Variants in SIDT1 observed in about 807,000 individuals in gnomAD.
SIDT1 encodes the protein SID1 transmembrane family, member 1.
SIDT1 carries 101 observed loss-of-function variants against 107.5 expected under a neutral mutation model. The ratio of observed to expected loss-of-function variants is 0.94; its 90% CI spans 0.80 to 1.11. The LOEUF is 1.11. Ranked by LOEUF, SIDT1 falls within the 50% of genes least tolerant of loss-of-function variation. SIDT1 has a pLI of 0.00. For missense variants in SIDT1, 1,076 were observed against 1,058.2 expected, an observed-to-expected ratio of 1.02 and a Z score of -0.23; for synonymous variants, 395 against 398.2, an observed-to-expected ratio of 0.99 and a Z score of 0.10.
At chr3:113,616,481 G>A (rs546955866) in intron 20 of SIDT1, among the ~76,000 whole-genome samples, 1 of 152,210 alleles carries the variant, frequency 6.6e-6, no homozygotes, top group East Asian at 1.9e-4. Flanking sequence ...CACACACTGG[G>A]GCCTGTTAGA....
chr3:113,596,917 C>G (rs1385864579), intron 10 of SIDT1, among the ~76,000 whole-genome samples: 1 of 152,164 alleles, frequency 6.6e-6, no homozygotes, highest in Non-Finnish European at 1.5e-5. Flanking sequence ...TGGATACAGC[C>G]ATTACTGAAC....
intron 23 of SIDT1, 188 bp from the exon 24 acceptor site, chr3:113,625,914 A>AT: frequency 1.8e-6 from 1 of 557,788 alleles, no homozygotes. Flanking sequence ...TCGCTTCTCT[A>AT]TTTTTGCTTT....
chr3:113,566,323 T>C lies in SIDT1; in HGVS notation c.223-97T>C. ...AGCCTCACATGGCAACTATGGTGTG[T>C]GTGTTTGTGTGTGTTTGTGTGTGTG... On this transcript the variant is annotated intron_variant, in intron 1 of 24. Coordinates refer to ENST00000264852, the MANE Select transcript of SIDT1 (RefSeq NM_017699.3). The C allele has an allele frequency of 2.6e-6, 3 of 1,150,914 alleles. No homozygotes were observed. In the South Asian group the frequency reaches 4.5e-5, roughly 17 times the overall value. The allele number at this position is 1,150,914 out of a possible 1,614,324, so 71.3% of individuals were successfully genotyped here.
intron 3 of SIDT1, among the ~76,000 whole-genome samples, chr3:113,570,125 G>A (rs997741056): frequency 2.0e-5 from 3 of 152,162 alleles, no homozygotes; most frequent in South Asian, 2.1e-4. Context: ...GACTGGTCTC[G>A]AACCCCTGGG....
intron 17 of SIDT1, among the ~76,000 whole-genome samples, chr3:113,610,680 G>A (rs1945669831): frequency 6.6e-6 from 1 of 152,178 alleles, no homozygotes; most frequent in Admixed American, 6.5e-5. Context: ...TTGAACACCA[G>A]CATCTAAAAC....
rs1367817019 is a variant in SIDT1 at position 113,608,494 on chromosome 3, G to A, written c.1678G>A (p.Ala560Thr). 1 of 1,613,966 alleles carries A rather than the reference G, an allele frequency of 6.2e-7. No homozygotes were observed. The highest frequency in any genetic ancestry group is 2.2e-5 in the East Asian group (1 of 44,872). ...ATTGATGATGGAAGGGGTGCTCAGTGCTTGCTACCATGTCTGCCCTAATTA... is the reference window on the plus strand; with the variant it reads ...ATTGATGATGGAAGGGGTGCTCAGTACTTGCTACCATGTCTGCCCTAATTA... The part of the protein sequence containing the change: ...IALMMEGVLS[A>T]CYHVCPNYSN... Residue 560 changes from alanine (A) to threonine (T), a missense_variant, in exon 17 of 25, where the codon GCT becomes ACT. Physicochemically the swap from Ala to Thr is moderately conservative, Grantham distance 58. Coordinates refer to ENST00000264852, the MANE Select transcript of SIDT1 (RefSeq NM_017699.3).
intron 3 of SIDT1, among the ~76,000 whole-genome samples, chr3:113,575,826 GAAAA>G (rs371982211): frequency 1.6e-4 from 25 of 152,186 alleles, no homozygotes; most frequent in East Asian, 1.2e-3. Flanking sequence ...AGAGTGGAAA[GAAAA>G]AAATCTTCAG....
In SIDT1 at chr3:113,576,829, A is replaced by C. The variant is rs576730113; in HGVS notation, c.516-93A>C. ...TGAAGCTCTCCTTGAGTCTACTTTA[A>C]GATGGCTTTCTTTTAAATAAATAAT... On this transcript the variant is annotated intron_variant, in intron 3 of 24. Coordinates refer to ENST00000264852, the MANE Select transcript of SIDT1 (RefSeq NM_017699.3). 1.3e-5 allele frequency: 17 copies of C among 1,357,988 alleles called. No individual in the cohort carries two copies. The African/African-American group carries it at 2.3e-4, about 18-fold the overall frequency. 84.1% of individuals were successfully genotyped at this position (1,357,988 alleles called of 1,614,324 possible). A position where few individuals can be genotyped will look rare whatever the true frequency, so the allele number is the denominator to read the frequency against.
rs1239034149 is a variant in SIDT1 at position 113,556,827 on chromosome 3, T to TTTTTTTC, written c.223-9587_223-9586insCTTTTTT. 2.8e-5 allele frequency among the ~76,000 whole-genome samples: 4 copies of TTTTTTTC among 141,284 alleles called. 1 individual carries two copies. Among genetic ancestry groups the TTTTTTTC allele is most frequent in the South Asian group, 4.8e-4 (2 of 4,192 alleles). 92.7% of individuals were successfully genotyped at this position (141,284 alleles called of 152,430 possible). ...ATGCCCTAAGTTTCTTTTTCTTTTT[T>TTTTTTTC]TTTTTTTTTTGAAATAGAGTCTGGC... On this transcript the variant is annotated intron_variant, in intron 1 of 24. Coordinates refer to ENST00000264852, the MANE Select transcript of SIDT1 (RefSeq NM_017699.3).
chr3:113,627,608 T>C (rs1560153806), intron 24 of SIDT1, 38 bp from the exon 25 acceptor site: 1 of 1,593,104 alleles, frequency 6.3e-7, no homozygotes, highest in African/African-American at 1.3e-5. Context: ...TGACAGTGAC[T>C]GTCCATTCCT....
rs566813179 is a variant in SIDT1 at position 113,599,110 on chromosome 3, C to A, written c.1046-2478C>A. ...TGCCACTGCACTCCAGTCTGGGCAA[C>A]AGAGTGAGACCCAGTCTCAAGAAAT... On this transcript the variant is annotated intron_variant, in intron 10 of 24. Coordinates refer to ENST00000264852, the MANE Select transcript of SIDT1 (RefSeq NM_017699.3). Among the ~76,000 whole-genome samples, 51 of 152,218 alleles carry A rather than the reference C, an allele frequency of 3.4e-4. 1 individual carries two copies. In the South Asian group the frequency reaches 0.01, roughly 30 times the overall value.
At chr3:113,583,645 A>G (rs1355756020) in intron 7 of SIDT1, 149 bp downstream of exon 7, 2 of 505,724 alleles carry the variant, frequency 4.0e-6, no homozygotes, top group Non-Finnish European at 7.2e-6. Context: ...ACTTGAGAAA[A>G]AAAACGAAAG....
At chr3:113,583,055 C>T (rs1376059457) in intron 6 of SIDT1, among the ~76,000 whole-genome samples, 3 of 152,100 alleles carry the variant, frequency 2.0e-5, no homozygotes, top group Non-Finnish European at 2.9e-5. Flanking sequence ...AGTGATTTAT[C>T]ATTAGATTCT....
downstream of SIDT1, among the ~76,000 whole-genome samples, chr3:113,631,508 G>T (rs758349298): frequency 6.6e-6 from 1 of 152,150 alleles, no homozygotes; most frequent in Non-Finnish European, 1.5e-5. Context: ...TAGTAGTTTT[G>T]TTTTTTGTTT....
At chr3:113,620,686 A>T (rs376189165) in intron 21 of SIDT1, among the ~76,000 whole-genome samples, 2 of 152,066 alleles carry the variant, frequency 1.3e-5, no homozygotes, top group African/African-American at 4.8e-5. Context: ...CCATTTAACG[A>T]TTCCTCCTTT....
rs769105328 is a variant in SIDT1, at chr3:113,533,174, C to A, written c.153C>A (p.Val51=). ...CCAGGGGCGCCGATTTCGATCATGTCTACAGCGGGGTGGTGAACCTCAGCA... is the reference window on the plus strand; with the variant it reads ...CCAGGGGCGCCGATTTCGATCATGTATACAGCGGGGTGGTGAACCTCAGCA... ...DAARGADFDH[V]YSGVVNLSTE... The change falls in exon 1 of 25, where the codon GTC becomes GTA. Residue 51 remains valine (V), a synonymous_variant. Coordinates refer to ENST00000264852, the MANE Select transcript of SIDT1 (RefSeq NM_017699.3). 6.3e-7 allele frequency: 1 copy of A among 1,579,760 alleles called. No homozygotes were observed. The highest frequency in any genetic ancestry group is 1.2e-5 in the South Asian group (1 of 86,092).
Position 113,629,074 on chromosome 3 carries a change from A to G in SIDT1, c.*1366A>G, listed in dbSNP as rs928710704. 1.3e-5 allele frequency: 2 copies of G among 152,232 alleles called. No homozygotes were observed. The highest frequency in any genetic ancestry group is 2.9e-5 in the Non-Finnish European group (2 of 68,042). The allele number at this position is 152,232 out of a possible 1,614,324, so 9.4% of individuals were successfully genotyped here. ...TGCGTATGTATTTGCTTGTGAAATT[A>G]AAGTCACCTCTTGCCTCTGCTTTCC... On this transcript the variant is annotated 3_prime_UTR_variant, in exon 25 of 25. Transcript: ENST00000264852.
At chr3:113,601,458 C>T in intron 10 of SIDT1, 130 bp from the exon 11 acceptor site, 1 of 633,464 alleles carries the variant, frequency 1.6e-6, no homozygotes, top group South Asian at 2.0e-5. Flanking sequence ...GTTTTGGTGA[C>T]TCCTGTATTA....
chr3:113,611,194 G>A (rs759579456), intron 18 of SIDT1, 50 bp downstream of exon 18: 36 of 1,590,156 alleles, frequency 2.3e-5, no homozygotes, highest in Non-Finnish European at 3.0e-5. Flanking sequence ...GCCCCCCTAG[G>A]TCCAATAAAC....
Sources: gnomAD v4.1 joint callset for allele counts (sites outside exome capture counted in the v4.1 genomes callset) on GRCh38, gnomAD v4.1.1 for gene constraint, MANE v1.5 for transcripts, NCBI Gene and HGNC (gene_info 2026-07-23, HGNC 2026-07-21) for gene names.